FBXL7: variants seen among roughly 807,000 people sequenced by gnomAD.
The protein encoded by FBXL7 is F-box and leucine rich repeat protein 7.
A neutral mutation model predicts 38.3 loss-of-function variants in FBXL7; 12 were observed. The observed-to-expected ratio is 0.31, with a 90% CI of 0.20 to 0.51. FBXL7 has a LOEUF of 0.51. Among genes scored for constraint, FBXL7 ranks in the 20% least tolerant of loss-of-function variants. The pLI, the probability that FBXL7 is intolerant of heterozygous loss-of-function variation, is 0.98. For synonymous variants in FBXL7, 297 were observed against 300.9 expected (o/e 0.99, Z 0.13); for missense variants, 567 against 676.4 (o/e 0.84, Z 1.79).
intron 1 of FBXL7, among the ~76,000 whole-genome samples, chr5:15,576,360 G>T (rs112374251): frequency 1.3e-5 from 2 of 151,758 alleles, no homozygotes; most frequent in Non-Finnish European, 2.9e-5. Context: ...CTGGGATTAC[G>T]GGCATGAGCC....
intron 2 of FBXL7, among the ~76,000 whole-genome samples, chr5:15,893,188 G>A (rs947263791): frequency 6.6e-6 from 1 of 151,730 alleles, no homozygotes; most frequent in Non-Finnish European, 1.5e-5. Flanking sequence ...GGGAGAGGCA[G>A]GACAGGGTGG....
intron 1 of FBXL7, among the ~76,000 whole-genome samples, chr5:15,563,638 A>G (rs994087003): frequency 1.3e-5 from 2 of 152,052 alleles, no homozygotes; most frequent in Admixed American, 1.3e-4. Flanking sequence ...GCTTGCCTAA[A>G]GAGTTTGCTC....
intron 2 of FBXL7, among the ~76,000 whole-genome samples, chr5:15,824,548 A>G (rs545768479): frequency 4.7e-4 from 71 of 152,246 alleles, no homozygotes; most frequent in African/African-American, 1.6e-3. Context: ...CTTAATTAAA[A>G]TAGAAAAAAA....
intron 1 of FBXL7, among the ~76,000 whole-genome samples, chr5:15,523,957 T>C (rs1737178773): frequency 6.6e-6 from 1 of 152,192 alleles, no homozygotes; most frequent in South Asian, 2.1e-4. Flanking sequence ...TGAGCTAATG[T>C]TGCATATAGA....
At chr5:15,628,313 A>G (rs752443751) in intron 2 of FBXL7, among the ~76,000 whole-genome samples, 25 of 145,520 alleles carry the variant, frequency 1.7e-4, no homozygotes, top group Non-Finnish European at 3.4e-4. Context: ...CTGAGCTGCA[A>G]AAGAAGAAGG....
chr5:15,714,892 A>G (rs1579401222), intron 2 of FBXL7, among the ~76,000 whole-genome samples: 1 of 151,160 alleles, frequency 6.6e-6, no homozygotes, highest in Admixed American at 6.6e-5. Flanking sequence ...TCGGAATCAT[A>G]GAAGACATCC....
chr5:15,813,165 T>A (rs142945343), intron 2 of FBXL7, among the ~76,000 whole-genome samples: 3 of 152,150 alleles, frequency 2.0e-5, no homozygotes, highest in African/African-American at 4.8e-5. Context: ...TCCAATACTA[T>A]GTTGAATAGG....
At chr5:15,845,788 G>A (rs1490663194) in intron 2 of FBXL7, among the ~76,000 whole-genome samples, 4 of 152,034 alleles carry the variant, frequency 2.6e-5, no homozygotes, top group Non-Finnish European at 4.4e-5. Flanking sequence ...TGGCTAACAC[G>A]GTGAAACCCC....
chr5:15,817,767 C>T (rs1738057513), intron 2 of FBXL7, among the ~76,000 whole-genome samples: 1 of 152,186 alleles, frequency 6.6e-6, no homozygotes, highest in African/African-American at 2.4e-5. Context: ...GTGAGGCCTC[C>T]CCAGCCATGT....
At position 15,617,421 on chromosome 5, in the gene FBXL7, ACATT is replaced by A. The variant is rs1284187378; in HGVS notation, c.127+1350_127+1353del. 2.8e-5 allele frequency among the ~76,000 whole-genome samples: 4 copies of A among 140,964 alleles called. No individual in the cohort carries two copies. The Admixed American group carries it at 3.0e-4, about 10-fold the overall frequency. The allele number at this position is 140,964 out of a possible 152,430, so 92.5% of individuals were successfully genotyped here. A position where few individuals can be genotyped will look rare whatever the true frequency, so the allele number is the denominator to read the frequency against. ...TACAAATCTCGTTAACTGATTCTAG[ACATT>A]TATTTATTTATTTATTTATTTATTT... On this transcript the variant is annotated intron_variant, in intron 2 of 3. Transcript: ENST00000504595.
chr5:15,876,536 C>A (rs375859444), intron 2 of FBXL7, among the ~76,000 whole-genome samples: 1 of 152,094 alleles, frequency 6.6e-6, no homozygotes, highest in Non-Finnish European at 1.5e-5. Context: ...AAGGGCATTG[C>A]TTTTAAGCTC....
chr5:15,705,006 T>G (rs778823919), intron 2 of FBXL7, among the ~76,000 whole-genome samples: 5 of 152,096 alleles, frequency 3.3e-5, no homozygotes, highest in Non-Finnish European at 7.3e-5. Flanking sequence ...CTTAGGCAAT[T>G]TTTATCTCGT....
At chr5:15,743,227 C>G (rs1408686466) in intron 2 of FBXL7, among the ~76,000 whole-genome samples, 1 of 152,096 alleles carries the variant, frequency 6.6e-6, no homozygotes, top group African/African-American at 2.4e-5. Context: ...GTCCAAAGTC[C>G]CATCTGAGAC....
intron 2 of FBXL7, among the ~76,000 whole-genome samples, chr5:15,670,483 T>C (rs373735465): frequency 6.6e-6 from 1 of 152,256 alleles, no homozygotes; most frequent in East Asian, 1.9e-4. Flanking sequence ...CTTTAGTTTA[T>C]TGTCTACACT....
intron 2 of FBXL7, among the ~76,000 whole-genome samples, chr5:15,644,862 C>T (rs547603605): frequency 6.6e-6 from 1 of 152,272 alleles, no homozygotes; most frequent in South Asian, 2.1e-4. Flanking sequence ...GGTCATAGTG[C>T]CTTCCCCTTT....
At chr5:15,735,440 G>A (rs141263524) in intron 2 of FBXL7, among the ~76,000 whole-genome samples, 2 of 152,216 alleles carry the variant, frequency 1.3e-5, no homozygotes, top group African/African-American at 2.4e-5. Flanking sequence ...TGTGTAAGCA[G>A]TGATGATGGG....
rs147080376 is a variant in FBXL7 at position 15,823,040 on chromosome 5, G to A, written c.128-104850G>A. Among the ~76,000 whole-genome samples the A allele has an allele frequency of 9.3e-3, 1,409 of 152,110 alleles. 9 individuals carry two copies. The highest frequency in any genetic ancestry group is 0.017 in the Non-Finnish European group (1,125 of 67,984). ...CCGCAGTCAATAAAACATAAAGGCT[G>A]GATTCAAACCCAAGGAATCAACCTT... On this transcript the variant is annotated intron_variant, in intron 2 of 3. Transcript: ENST00000504595.
chr5:15,872,150 T>C (rs1739994467), intron 2 of FBXL7, among the ~76,000 whole-genome samples: 1 of 152,034 alleles, frequency 6.6e-6, no homozygotes, highest in South Asian at 2.1e-4. Flanking sequence ...CTTAAAAGAA[T>C]TTTCAACCCA....
intron 1 of FBXL7, among the ~76,000 whole-genome samples, chr5:15,610,155 C>T (rs1740181371): frequency 6.6e-6 from 1 of 152,206 alleles, no homozygotes; most frequent in Admixed American, 6.5e-5. Context: ...CCAGGGGTCC[C>T]TCCCAGAACA....
Sources: gnomAD v4.1 joint callset for allele counts (sites outside exome capture counted in the v4.1 genomes callset) on GRCh38, gnomAD v4.1.1 for gene constraint, MANE v1.5 for transcripts, NCBI Gene and HGNC (gene_info 2026-07-23, HGNC 2026-07-21) for gene names.